The following COL6A1 variants were observed in gnomAD, a reference collection of about 807,000 sequenced individuals.
COL6A1 encodes collagen alpha-1(VI) chain.
COL6A1 carries 80 observed loss-of-function variants against 145.6 expected under a neutral mutation model. The observed-to-expected ratio is 0.55, with a 90% CI of 0.46 to 0.66. COL6A1 has a LOEUF of 0.66. Ranked by LOEUF, COL6A1 falls within the 30% of genes least tolerant of loss-of-function variation. The probability of loss-of-function intolerance (pLI) is 0.00; values close to 1 mark genes in which losing one functional copy is unlikely to be tolerated. For missense variants in COL6A1, 1,364 were observed against 1,473.8 expected (o/e 0.93, Z 1.22); for synonymous variants, 638 against 622.8 (o/e 1.02, Z -0.36).
At chr21:46,002,171 G>T in intron 31 of COL6A1, 47 bp from the exon 32 acceptor site, 5 of 1,572,336 alleles carry the variant, frequency 3.2e-6, no homozygotes, top group Non-Finnish European at 4.3e-6. Flanking sequence ...GCTCGGCCCC[G>T]CGGCAGGCCT....
chr21:45,997,900 A>G (rs1603592951), intron 22 of COL6A1, 138 bp downstream of exon 22: 1 of 1,136,810 alleles, frequency 8.8e-7, no homozygotes, highest in Admixed American at 2.4e-5. Context: ...GCTCCTGGCC[A>G]CAGTCGGCAC....
chr21:45,992,087 A>C lies in COL6A1; in HGVS notation c.1182+15A>C. Reference sequence around the variant, plus strand: ...CTGGAGACGAGGTGAGGAGCTTCACAGCCCCCACACATGCCAGGTATGGGC... The same window carrying C: ...CTGGAGACGAGGTGAGGAGCTTCACCGCCCCCACACATGCCAGGTATGGGC... On this transcript the variant is annotated intron_variant, in intron 16 of 34. Coordinates refer to ENST00000361866, the MANE Select transcript of COL6A1 (RefSeq NM_001848.3). The C allele has an allele frequency of 6.2e-7, 1 of 1,613,286 alleles. No homozygotes were observed. The highest frequency in any genetic ancestry group is 1.1e-5 in the South Asian group (1 of 91,060).
At position 46,002,078 on chromosome 21, in the gene COL6A1, C is replaced by A; in HGVS notation, c.2066+8C>A. The A allele has an allele frequency of 1.2e-6, 2 of 1,606,464 alleles. No individual in the cohort carries two copies. Among genetic ancestry groups the A allele is most frequent in the Non-Finnish European group, 1.7e-6 (2 of 1,177,532 alleles). On this transcript the variant is annotated splice_region_variant and intron_variant, in intron 31 of 34. Transcript: ENST00000361866. ...CGTGCAGGAGCTCAAGGAGTGAGTG[C>A]CCCACGCGGCCAGGACCCTCCCACC...
intron 27 of COL6A1, 45 bp downstream of exon 27, chr21:45,999,737 T>A: frequency 6.3e-7 from 1 of 1,591,538 alleles, no homozygotes; most frequent in Non-Finnish European, 8.6e-7. Context: ...CCACTGTAGC[T>A]TCCATCCCTT....
chr21:45,991,340 C>T (rs1416100086), intron 15 of COL6A1, among the ~76,000 whole-genome samples: 2 of 152,202 alleles, frequency 1.3e-5, no homozygotes, highest in Admixed American at 6.5e-5. Flanking sequence ...GACCCCACCG[C>T]GTCACTCCTA....
chr21:45,999,587 G>T, intron 26 of COL6A1, 70 bp from the exon 27 acceptor site: 1 of 1,544,788 alleles, frequency 6.5e-7, no homozygotes. Context: ...TGGGGGTGGG[G>T]GCTGTCTCAG....
rs370870545 is a variant in COL6A1, at chr21:45,989,915, C to T, written c.930+137C>T. ...GCAGACCCGCTCCACCGCCCCTCGC[C>T]GTCCCCTCCATCTGGAAGGACAAGG... On this transcript the variant is annotated intron_variant, in intron 11 of 34. Coordinates refer to ENST00000361866, the MANE Select transcript of COL6A1 (RefSeq NM_001848.3). 171 of 1,187,468 alleles carry T rather than the reference C, an allele frequency of 1.4e-4. 2 individuals are homozygous for T. In the South Asian group the frequency reaches 1.9e-3, roughly 13 times the overall value. The allele number at this position is 1,187,468 out of a possible 1,614,324, so 73.6% of individuals were successfully genotyped here.
chr21:45,990,817 C>T lies in COL6A1; in HGVS notation c.1047C>T (p.Pro349=), dbSNP rs202227298. 29 of 1,613,408 alleles carry T rather than the reference C, an allele frequency of 1.8e-5. No homozygotes were observed. Among genetic ancestry groups the T allele is most frequent in the East Asian group, 6.7e-5 (3 of 44,866 alleles). The change falls in exon 14 of 35, where the codon CCC becomes CCT. Residue 349 remains proline (P), a synonymous_variant. Transcript: ENST00000361866. ...GCCTGCCAGGCTGCAAGGGCTCGCC[C>T]GGGTTTGACGTAAGTCACTTCCTCT... The part of the protein sequence containing the change: ...YPGLPGCKGS[P]GFDGIQGPPG...
intron 6 of COL6A1, 150 bp from the exon 7 acceptor site, chr21:45,987,349 T>C (rs940724931): frequency 4.6e-5 from 67 of 1,458,034 alleles, no homozygotes; most frequent in Non-Finnish European, 6.0e-5. Flanking sequence ...TGTCCACCTG[T>C]GTGTCTGCCC....
chr21:45,998,087 G>A (rs367924616), intron 22 of COL6A1, 34 bp from the exon 23 acceptor site: 19 of 1,610,194 alleles, frequency 1.2e-5, no homozygotes, highest in Middle Eastern at 1.7e-4. Context: ...AGGCCAGGCC[G>A]ATTCGCACGG....
At chr21:45,999,101 G>T in intron 25 of COL6A1, 52 bp from the exon 26 acceptor site, 1 of 1,552,706 alleles carries the variant, frequency 6.4e-7, no homozygotes, top group Non-Finnish European at 8.7e-7. Flanking sequence ...GGGCCAGCGC[G>T]CAGATGCCCG....
Position 45,994,039 on chromosome 21 carries a change from G to A in COL6A1, c.1336-128G>A. ...CGCTTGGCGAGGCCAGGAAGGGGCT[G>A]TGCGGGGAGGGAAGGCCGGAACAGC... On this transcript the variant is annotated intron_variant, in intron 19 of 34. Coordinates refer to ENST00000361866, the MANE Select transcript of COL6A1 (RefSeq NM_001848.3). This position sits in a 1 kb window ranked among gnomAD's most constrained non-coding sequence, Gnocchi z 6.8. 2 of 961,224 alleles carry A rather than the reference G, an allele frequency of 2.1e-6. No homozygotes were observed. Among genetic ancestry groups the A allele is most frequent in the Non-Finnish European group, 3.3e-6 (2 of 611,046 alleles). 59.5% of individuals were successfully genotyped at this position (961,224 alleles called of 1,614,324 possible). A position where few individuals can be genotyped will look rare whatever the true frequency, so the allele number is the denominator to read the frequency against.
intron 27 of COL6A1, among the ~76,000 whole-genome samples, chr21:46,000,024 G>GGGGA: frequency 3.9e-5 from 2 of 50,670 alleles, no homozygotes; most frequent in Admixed American, 1.4e-4. Context: ...GATCATGGGG[G>GGGGA]ACCCGTGTGA....
intron 9 of COL6A1, 48 bp from the exon 10 acceptor site, chr21:45,989,554 GGCCCCT>G: frequency 6.4e-7 from 1 of 1,569,578 alleles, no homozygotes; most frequent in Non-Finnish European, 8.8e-7. Flanking sequence ...GGGTGGGACT[GGCCCCT>G]GCCCCTGCTC....
chr21:45,987,102 C>A, intron 5 of COL6A1, 30 bp downstream of exon 5: 2 of 1,567,878 alleles, frequency 1.3e-6, no homozygotes, highest in East Asian at 2.4e-5. Context: ...GACGGGGAGG[C>A]CCGCGGCGGC....
At position 46,003,947 on chromosome 21, in the gene COL6A1, C is replaced by T. The variant is rs748627468; in HGVS notation, c.3021C>T (p.Pro1007=). 1.2e-6 allele frequency: 2 copies of T among 1,612,328 alleles called. No individual in the cohort carries two copies. The highest frequency in any genetic ancestry group is 4.5e-5 in the East Asian group (2 of 44,846). ...AYGESHLFRV[P]SYQALLRGVF... ...GCGAGAGCCACCTGTTCCGTGTCCC[C>T]AGCTACCAGGCCCTGCTCCGCGGTG... Residue 1007 remains proline, a synonymous_variant, in exon 35 of 35, where the codon CCC becomes CCT. Transcript: ENST00000361866.
chr21:46,000,394 G>A (rs372397495), intron 28 of COL6A1, 27 bp downstream of exon 28: 30 of 1,613,552 alleles, frequency 1.9e-5, no homozygotes, highest in East Asian at 1.6e-4. Flanking sequence ...AGCCGTCCTC[G>A]TTAGGGAGAG....
In COL6A1 at chr21:46,004,157, A is replaced by C; in HGVS notation, c.*144A>C. On this transcript the variant is annotated 3_prime_UTR_variant, in exon 35 of 35. Coordinates refer to ENST00000361866, the MANE Select transcript of COL6A1 (RefSeq NM_001848.3). ...GAAAAGCTTGGAAAGCCAGGACACAACGCTGCTGCCTGCTTTGTGCAGGGT... is the reference window on the plus strand; with the variant it reads ...GAAAAGCTTGGAAAGCCAGGACACACCGCTGCTGCCTGCTTTGTGCAGGGT... 1.7e-6 allele frequency: 2 copies of C among 1,143,668 alleles called. No homozygotes were observed. The highest frequency in any genetic ancestry group is 2.5e-6 in the Non-Finnish European group (2 of 803,822). The allele number at this position is 1,143,668 out of a possible 1,614,324, so 70.8% of individuals were successfully genotyped here. A position where few individuals can be genotyped will look rare whatever the true frequency, so the allele number is the denominator to read the frequency against.
At chr21:45,990,217 C>T (rs771176877) in intron 11 of COL6A1, 41 bp from the exon 12 acceptor site, 14 of 1,612,110 alleles carry the variant, frequency 8.7e-6, no homozygotes, top group Non-Finnish European at 1.2e-5. Flanking sequence ...CTGCCCTCCC[C>T]ACCCCAAATA....
Sources: allele counts gnomAD v4.1 joint callset (sites outside exome capture counted in the v4.1 genomes callset), GRCh38; gene constraint gnomAD v4.1.1; non-coding constraint Gnocchi (gnomAD v3.1); transcripts MANE v1.5; gene names NCBI Gene and HGNC (gene_info 2026-07-23, HGNC 2026-07-21).